The following TENM1 variants were observed in gnomAD, a reference collection of about 807,000 sequenced individuals.
TENM1 encodes teneurin transmembrane protein 1.
TENM1 carries 35 observed loss-of-function variants against 174.8 expected under a neutral mutation model. That is an observed-to-expected ratio of 0.20 (90% CI 0.15 to 0.27). The LOEUF is 0.27. Ranked by LOEUF, TENM1 falls within the 10% of genes least tolerant of loss-of-function variation. The pLI, the probability that TENM1 is intolerant of heterozygous loss-of-function variation, is 1.00. For synonymous variants in TENM1, 781 were observed against 798.7 expected, an observed-to-expected ratio of 0.98 and a Z score of 0.37; for missense variants, 1,633 against 2,130.1, an observed-to-expected ratio of 0.77 and a Z score of 4.59.
intron 15 of TENM1, among the ~76,000 whole-genome samples, chrX:124,537,660 T>C (rs2048233441): frequency 8.9e-6 from 1 of 112,034 alleles, no homozygotes; most frequent in South Asian, 3.7e-4. Flanking sequence ...ATGTGGAGTG[T>C]GTGTAGTGGA....
chrX:125,071,935 A>G, the TENM1 span, among the ~76,000 whole-genome samples: 17 of 111,421 alleles, frequency 1.5e-4, no homozygotes, highest in Admixed American at 1.6e-3. Context: ...TCATATTAAT[A>G]AACTATAAGA....
At chrX:124,471,656 C>T (rs1456378643) in intron 22 of TENM1, among the ~76,000 whole-genome samples, 1 of 76,219 alleles carries the variant, frequency 1.3e-5, no homozygotes, top group Non-Finnish European at 2.4e-5. Flanking sequence ...ATATAATATA[C>T]AATATAGAGT....
intron 3 of TENM1, among the ~76,000 whole-genome samples, chrX:124,877,502 C>T (rs1445739272): frequency 9.0e-6 from 1 of 111,710 alleles, no homozygotes; most frequent in Non-Finnish European, 1.9e-5. Flanking sequence ...CATACTCATT[C>T]AAGGAATTTA....
chrX:124,982,445 G>A, the TENM1 span, among the ~76,000 whole-genome samples: 5 of 111,041 alleles, frequency 4.5e-5, no homozygotes, highest in East Asian at 5.7e-4. Flanking sequence ...TCTAATCTTC[G>A]CAAGAGTGTC....
intron 3 of TENM1, among the ~76,000 whole-genome samples, chrX:124,844,501 C>T (rs969344782): frequency 1.8e-5 from 2 of 110,869 alleles, no homozygotes; most frequent in African/African-American, 3.3e-5. Flanking sequence ...GTGTGGTTGA[C>T]GGGGGTGGTA....
chrX:125,057,028 G>A, the TENM1 span, among the ~76,000 whole-genome samples: 1 of 111,285 alleles, frequency 9.0e-6, no homozygotes, highest in African/African-American at 3.3e-5. Flanking sequence ...AATTCCCAAG[G>A]TCTAAAAGCA....
intron 5 of TENM1, among the ~76,000 whole-genome samples, chrX:124,696,976 T>C (rs141613185): frequency 5.7e-4 from 64 of 111,336 alleles, no homozygotes; most frequent in African/African-American, 1.9e-3. Context: ...CCACCTCCTC[T>C]GGTATTCTAT....
chrX:125,103,051 T>C, the TENM1 span, among the ~76,000 whole-genome samples: 1 of 112,426 alleles, frequency 8.9e-6, no homozygotes, highest in South Asian at 3.7e-4. Context: ...GGATCCCACA[T>C]TTGAATCTCA....
At chrX:124,724,094 C>A (rs915643083) in intron 4 of TENM1, among the ~76,000 whole-genome samples, 1 of 111,937 alleles carries the variant, frequency 8.9e-6, no homozygotes, top group Non-Finnish European at 1.9e-5. Flanking sequence ...GGACTCAGAT[C>A]CATATTTTCA....
chrX:124,585,124 C>G (rs759846633), intron 11 of TENM1, among the ~76,000 whole-genome samples: 1 of 110,524 alleles, frequency 9.0e-6, no homozygotes, highest in Non-Finnish European at 1.9e-5. Flanking sequence ...TTAGACAGAT[C>G]AACGAGACAG....
At chrX:124,655,514 A>C (rs1026308654) in intron 6 of TENM1, among the ~76,000 whole-genome samples, 4 of 111,795 alleles carry the variant, frequency 3.6e-5, no homozygotes, top group Non-Finnish European at 7.5e-5. Flanking sequence ...CCTTCTCCAG[A>C]CCAAACACAG....
intron 3 of TENM1, among the ~76,000 whole-genome samples, chrX:124,892,263 T>A (rs748414592): frequency 6.3e-5 from 7 of 111,794 alleles, no homozygotes; most frequent in Non-Finnish European, 1.3e-4. Context: ...GCATTAGTGC[T>A]CTGATACCCC....
intron 1 of TENM1, among the ~76,000 whole-genome samples, chrX:124,914,422 G>GATGA (rs2057888559): frequency 9.0e-6 from 1 of 111,627 alleles, no homozygotes; most frequent in South Asian, 3.8e-4. Flanking sequence ...GCTAGGATTT[G>GATGA]ATGAATGGGT....
At chrX:124,793,365 T>C (rs1440736735) in intron 3 of TENM1, among the ~76,000 whole-genome samples, 1 of 111,555 alleles carries the variant, frequency 9.0e-6, no homozygotes, top group East Asian at 2.8e-4. Context: ...GAAGCAGGTA[T>C]CTTAATATTA....
At chrX:124,795,076 T>C (rs754670379) in intron 3 of TENM1, among the ~76,000 whole-genome samples, 2 of 112,098 alleles carry the variant, frequency 1.8e-5, no homozygotes, top group East Asian at 5.6e-4. Flanking sequence ...GGTATTACCA[T>C]ATCTACATAT....
the TENM1 span, among the ~76,000 whole-genome samples, chrX:125,170,109 A>C: frequency 9.0e-6 from 1 of 111,627 alleles, no homozygotes; most frequent in South Asian, 3.7e-4. Flanking sequence ...AAGTTAAGCA[A>C]GGCCTTTATC....
chrX:124,640,051 A>G (rs921851679), intron 11 of TENM1, among the ~76,000 whole-genome samples: 3 of 110,680 alleles, frequency 2.7e-5, no homozygotes, highest in South Asian at 7.7e-4. Context: ...TAGCAGGCAC[A>G]TGTATATTTG....
chrX:124,704,930 G>C, intron 5 of TENM1, 83 bp downstream of exon 8: 1 of 724,488 alleles, frequency 1.4e-6, no homozygotes, highest in Admixed American at 2.7e-5. Context: ...TGCCAGAATC[G>C]AGAGAAAAAC....
At chrX:124,987,292 G>A in the TENM1 span, among the ~76,000 whole-genome samples, 1 of 111,246 alleles carries the variant, frequency 9.0e-6, no homozygotes, top group African/African-American at 3.3e-5. Context: ...GTTATAATCT[G>A]ACTTCTATAA....
Sources: gnomAD v4.1 joint callset for allele counts (sites outside exome capture counted in the v4.1 genomes callset) on GRCh38, gnomAD v4.1.1 for gene constraint, MANE v1.5 for transcripts, NCBI Gene and HGNC (gene_info 2026-07-23, HGNC 2026-07-21) for gene names.